Variants in SMG6 observed in about 807,000 individuals in gnomAD.
The protein encoded by SMG6 is telomerase-binding protein EST1A.
Under a neutral mutation model 142.2 loss-of-function variants are expected in SMG6, and 66 were observed. The ratio of observed to expected loss-of-function variants is 0.46; its 90% confidence interval spans 0.38 to 0.57. The LOEUF (loss-of-function observed/expected upper bound fraction) is 0.57, where lower values mean the gene tolerates loss of function less well. Ranked by LOEUF, SMG6 falls within the 20% of genes least tolerant of loss-of-function variation. SMG6 has a pLI of 0.00. For missense variants in SMG6, 1,793 were observed against 1,832.0 expected, an observed-to-expected ratio of 0.98 and a Z score of 0.39; for synonymous variants, 779 against 702.4, an observed-to-expected ratio of 1.11 and a Z score of -1.72.
intron 12 of SMG6, among the ~76,000 whole-genome samples, chr17:2,175,030 G>C (rs962249602): frequency 1.3e-5 from 2 of 152,116 alleles, no homozygotes; most frequent in African/African-American, 4.8e-5. Flanking sequence ...GATGTGATAG[G>C]GCTGCTCAGG....
chr17:2,127,517 C>G, intron 13 of SMG6: 1 of 660,482 alleles, frequency 1.5e-6, no homozygotes, highest in Non-Finnish European at 2.9e-6. Context: ...TTGTATGACT[C>G]AAGCATGGTT....
intron 13 of SMG6, among the ~76,000 whole-genome samples, chr17:2,171,840 C>A (rs1036700539): frequency 6.6e-6 from 1 of 151,936 alleles, no homozygotes; most frequent in Non-Finnish European, 1.5e-5. Context: ...AAAGGCCTGT[C>A]CCCAGGGGAT....
intron 13 of SMG6, among the ~76,000 whole-genome samples, chr17:2,159,365 G>A (rs566628141): frequency 6.6e-6 from 1 of 152,288 alleles, no homozygotes; most frequent in South Asian, 2.1e-4. Flanking sequence ...AGGAGACGGA[G>A]GCTGCAGTGA....
At chr17:2,210,239 G>A (rs1467427972) in intron 10 of SMG6, among the ~76,000 whole-genome samples, 1 of 151,628 alleles carries the variant, frequency 6.6e-6, no homozygotes, top group East Asian at 1.9e-4. Flanking sequence ...GCTTCCTGGG[G>A]GGAACTTGAC....
At chr17:2,142,794 G>A (rs1478418830) in intron 13 of SMG6, among the ~76,000 whole-genome samples, 7 of 151,360 alleles carry the variant, frequency 4.6e-5, no homozygotes, top group Non-Finnish European at 8.8e-5. Flanking sequence ...AGGCTGAGGC[G>A]GGAGAATTGG....
At position 2,100,461 on chromosome 17, in the gene SMG6, CT is replaced by C. The variant is rs1451383535; in HGVS notation, c.3358-14561del. On this transcript the variant is annotated intron_variant, in intron 13 of 18. Coordinates refer to ENST00000263073, the MANE Select transcript of SMG6 (RefSeq NM_017575.5). Reference sequence around the variant, plus strand: ...GTGCTGGGATTATAGGCATAAGCCACTGGTGCCCGACTTTGTTTGTTTTCTT... The same window carrying C: ...GTGCTGGGATTATAGGCATAAGCCACGGTGCCCGACTTTGTTTGTTTTCTT... 2.0e-5 allele frequency among the ~76,000 whole-genome samples: 3 copies of C among 152,240 alleles called. No individual in the cohort carries two copies. The East Asian group carries it at 5.8e-4, about 29-fold the overall frequency.
intron 9 of SMG6, among the ~76,000 whole-genome samples, chr17:2,241,091 G>T (rs1384006405): frequency 1.3e-5 from 2 of 152,110 alleles, no homozygotes; most frequent in African/African-American, 4.8e-5. Context: ...ACCCATAGAG[G>T]GAGTGTAGTG....
intron 15 of SMG6, chr17:2,072,869 A>C (rs117258113): frequency 1.3e-5 from 2 of 152,294 alleles, no homozygotes; most frequent in Non-Finnish European, 2.9e-5. Flanking sequence ...TAACACAGGA[A>C]ATTTCCACAT....
chr17:2,265,721 T>G (rs888688458), intron 8 of SMG6, among the ~76,000 whole-genome samples: 1 of 152,220 alleles, frequency 6.6e-6, no homozygotes, highest in African/African-American at 2.4e-5. Context: ...ACTCCTGACA[T>G]AAGAATGTAA....
At chr17:2,082,057 G>A in intron 14 of SMG6, 101 bp from the exon 15 acceptor site, 1 of 1,272,358 alleles carries the variant, frequency 7.9e-7, no homozygotes, top group Non-Finnish European at 1.1e-6. Flanking sequence ...CACCCACGCA[G>A]ACTGGGACCA....
intron 15 of SMG6, among the ~76,000 whole-genome samples, chr17:2,080,139 G>A (rs1389961237): frequency 6.8e-6 from 1 of 146,606 alleles, no homozygotes; most frequent in Non-Finnish European, 1.5e-5. Flanking sequence ...ATGGATCTTG[G>A]CCAGTGTGAC....
In SMG6 at chr17:2,207,117, C is replaced by CAA. The variant is rs34276256; in HGVS notation, c.2870-18604_2870-18603dup. On this transcript the variant is annotated intron_variant, in intron 10 of 18. Transcript: ENST00000263073. Reference sequence around the variant, plus strand: ...TGAAATCTTGTCTCTACTAAAAATCCAAAAAAAAAAAAAAAAAAAAAAATA... The same window carrying CAA: ...TGAAATCTTGTCTCTACTAAAAATCCAAAAAAAAAAAAAAAAAAAAAAAAATA... Among the ~76,000 whole-genome samples the CAA allele has an allele frequency of 2.8e-3, 223 of 79,712 alleles. 10 individuals are homozygous for CAA. The highest frequency in any genetic ancestry group is 0.017 in the Middle Eastern group (2 of 120). 52.3% of individuals were successfully genotyped at this position (79,712 alleles called of 152,430 possible).
At chr17:2,147,364 G>C (rs1436565440) in intron 13 of SMG6, among the ~76,000 whole-genome samples, 1 of 152,076 alleles carries the variant, frequency 6.6e-6, no homozygotes, top group Non-Finnish European at 1.5e-5. Flanking sequence ...CTGCACTCCA[G>C]CCTGGGTGAC....
chr17:2,230,059 G>A (rs890642184), intron 10 of SMG6, among the ~76,000 whole-genome samples: 14 of 150,950 alleles, frequency 9.3e-5, no homozygotes, highest in African/African-American at 2.2e-4. Context: ...GGTGGCCTGT[G>A]CCTGTAATCC....
At chr17:2,157,089 C>T (rs925723332) in intron 13 of SMG6, among the ~76,000 whole-genome samples, 1 of 152,116 alleles carries the variant, frequency 6.6e-6, no homozygotes, top group African/African-American at 2.4e-5. Flanking sequence ...AAAAGGTTCC[C>T]AAAGTCCGTA....
chr17:2,261,240 G>A (rs560986290), intron 8 of SMG6, among the ~76,000 whole-genome samples: 8 of 152,146 alleles, frequency 5.3e-5, no homozygotes, highest in Admixed American at 4.6e-4. Flanking sequence ...CTTGAACCCG[G>A]GAGGCGGAGC....
intron 8 of SMG6, among the ~76,000 whole-genome samples, chr17:2,249,754 A>G (rs947104957): frequency 3.3e-5 from 5 of 152,228 alleles, no homozygotes; most frequent in Non-Finnish European, 5.9e-5. Flanking sequence ...CACTGAAACA[A>G]AAATGCTTCT....
intron 13 of SMG6, among the ~76,000 whole-genome samples, chr17:2,128,892 A>G (rs990488375): frequency 6.6e-6 from 1 of 152,034 alleles, no homozygotes; most frequent in African/African-American, 2.4e-5. Flanking sequence ...AAAGAAAGAA[A>G]GAAAGAAAAT....
intron 10 of SMG6, chr17:2,215,421 T>C (rs934903493): frequency 1.1e-4 from 17 of 152,044 alleles, no homozygotes; most frequent in African/African-American, 3.9e-4. Flanking sequence ...AGAGAGAAAA[T>C]AGCAACTCAT....
Sources: allele counts gnomAD v4.1 joint callset (sites outside exome capture counted in the v4.1 genomes callset), GRCh38; gene constraint gnomAD v4.1.1; transcripts MANE v1.5; gene names NCBI Gene and HGNC (gene_info 2026-07-23, HGNC 2026-07-21).